IQCM: variants seen among roughly 807,000 people sequenced by gnomAD.
The protein encoded by IQCM is IQ domain-containing protein M.
In IQCM, 45 loss-of-function variants were observed where a neutral mutation model predicts 57.6. The ratio of observed to expected loss-of-function variants is 0.78; its 90% confidence interval spans 0.62 to 1.00. IQCM has a LOEUF of 1.00. Ranked by LOEUF, IQCM falls within the 50% of genes least tolerant of loss-of-function variation. The pLI, the probability that IQCM is intolerant of heterozygous loss-of-function variation, is 0.00. For missense variants in IQCM, 468 were observed against 511.6 expected (o/e 0.91, Z 0.82); for synonymous variants, 148 against 158.9 (o/e 0.93, Z 0.51).
intron 13 of IQCM, among the ~76,000 whole-genome samples, chr4:149,381,719 TAGTA>T (rs1156609445): frequency 1.4e-5 from 2 of 142,168 alleles, no homozygotes; most frequent in Non-Finnish European, 3.1e-5. Flanking sequence ...CTTTCCCCCA[TAGTA>T]TGTATGTATG....
chr4:149,630,173 G>A (rs189686970), intron 7 of IQCM, among the ~76,000 whole-genome samples: 65 of 152,290 alleles, frequency 4.3e-4, no homozygotes, highest in Non-Finnish European at 7.3e-4. Flanking sequence ...ATCAAAGATT[G>A]ACTTTTGCAA....
intron 13 of IQCM, among the ~76,000 whole-genome samples, chr4:149,388,560 A>C (rs889521074): frequency 7.3e-6 from 1 of 137,376 alleles, no homozygotes; most frequent in African/African-American, 2.7e-5. Flanking sequence ...TATATAATAT[A>C]TTTATATACA....
chr4:149,812,729 T>C (rs1413777341), intron 2 of IQCM, among the ~76,000 whole-genome samples: 2 of 152,158 alleles, frequency 1.3e-5, no homozygotes, highest in East Asian at 3.8e-4. Context: ...TTTCTGCCCT[T>C]ATACCAGGTA....
At chr4:149,387,997 T>C (rs1731542975) in intron 13 of IQCM, among the ~76,000 whole-genome samples, 1 of 152,066 alleles carries the variant, frequency 6.6e-6, no homozygotes, top group African/African-American at 2.4e-5. Context: ...GTTTATTTAC[T>C]TCAAAGCATG....
At chr4:149,512,053 T>C (rs1744480389) in intron 12 of IQCM, among the ~76,000 whole-genome samples, 1 of 152,170 alleles carries the variant, frequency 6.6e-6, no homozygotes, top group Non-Finnish European at 1.5e-5. Flanking sequence ...TAGTGTCATG[T>C]ACTGCAAAAA....
intron 12 of IQCM, among the ~76,000 whole-genome samples, chr4:149,486,172 A>ACTTGAT (rs1425617904): frequency 6.6e-6 from 1 of 151,992 alleles, no homozygotes; most frequent in Non-Finnish European, 1.5e-5. Context: ...CCAACACAGC[A>ACTTGAT]CTTGATCTTG....
intron 13 of IQCM, among the ~76,000 whole-genome samples, chr4:149,370,996 C>T (rs1252514324): frequency 6.6e-6 from 1 of 151,432 alleles, no homozygotes; most frequent in Non-Finnish European, 1.5e-5. Context: ...GCGCATGACT[C>T]TGGAAATATT....
intron 5 of IQCM, chr4:149,711,015 G>A (rs1302934503): frequency 2.0e-5 from 3 of 152,118 alleles, no homozygotes; most frequent in African/African-American, 7.2e-5. Context: ...GGAAGAAGCA[G>A]GAAAGTACTC....
intron 12 of IQCM, among the ~76,000 whole-genome samples, chr4:149,537,060 G>C (rs1747369623): frequency 6.6e-6 from 1 of 151,912 alleles, no homozygotes; most frequent in African/African-American, 2.4e-5. Context: ...ACAACAAAAT[G>C]AGACATGCCA....
chr4:149,524,227 T>C (rs1194224066), intron 12 of IQCM, among the ~76,000 whole-genome samples: 1 of 152,108 alleles, frequency 6.6e-6, no homozygotes, highest in East Asian at 1.9e-4. Context: ...TACAAGTCAA[T>C]TTGGTGGTTA....
intron 12 of IQCM, among the ~76,000 whole-genome samples, chr4:149,434,503 T>A (rs1735162517): frequency 6.6e-6 from 1 of 152,060 alleles, no homozygotes; most frequent in African/African-American, 2.4e-5. Flanking sequence ...AATGTAAATC[T>A]CCACTTATAA....
chr4:149,651,754 T>C (rs1206562938), intron 7 of IQCM, among the ~76,000 whole-genome samples: 2 of 152,106 alleles, frequency 1.3e-5, no homozygotes, highest in African/African-American at 2.4e-5. Context: ...TAAGAAGATT[T>C]TGGGGTCAAT....
intron 12 of IQCM, among the ~76,000 whole-genome samples, chr4:149,489,215 G>A (rs1054946826): frequency 2.0e-5 from 3 of 152,232 alleles, no homozygotes; most frequent in African/African-American, 2.4e-5. Context: ...TGAACTTAGC[G>A]TTGGAGGGCT....
chr4:149,807,485 A>G (rs1774194175), intron 2 of IQCM, among the ~76,000 whole-genome samples: 1 of 152,048 alleles, frequency 6.6e-6, no homozygotes, highest in African/African-American at 2.4e-5. Context: ...CTATGAGAAG[A>G]TATTGAGGAA....
At chr4:149,473,767 T>C (rs368550100) in intron 12 of IQCM, among the ~76,000 whole-genome samples, 6 of 152,204 alleles carry the variant, frequency 3.9e-5, no homozygotes, top group East Asian at 1.9e-4. Flanking sequence ...AAATGTGGCA[T>C]ATATACACCA....
rs138234394 is a variant in IQCM, at chr4:149,690,927, C to T, written c.386-4459G>A. 557 of 152,212 alleles carry T rather than the reference C, an allele frequency of 3.7e-3. 2 individuals carry two copies. Among genetic ancestry groups the T allele is most frequent in the African/African-American group, 0.012 (517 of 41,532 alleles). 9.4% of individuals were successfully genotyped at this position (152,212 alleles called of 1,614,324 possible). On this transcript the variant is annotated intron_variant, in intron 5 of 13. Coordinates refer to ENST00000636793, the MANE Select transcript of IQCM (RefSeq NM_001363507.2). Reference sequence around the variant, plus strand: ...TTATTTTTTACTGTGCTCTACACTGCCCCCTGGAACTTCAGGGGATTCATC... The same window carrying T: ...TTATTTTTTACTGTGCTCTACACTGTCCCCTGGAACTTCAGGGGATTCATC...
At chr4:149,517,040 C>G (rs1274504459) in intron 12 of IQCM, among the ~76,000 whole-genome samples, 1 of 141,720 alleles carries the variant, frequency 7.1e-6, no homozygotes, top group African/African-American at 2.6e-5. Flanking sequence ...CAATGGGAAA[C>G]TACAACATCC....
intron 13 of IQCM, among the ~76,000 whole-genome samples, chr4:149,398,640 T>G (rs1485778186): frequency 6.6e-6 from 1 of 152,106 alleles, no homozygotes; most frequent in Admixed American, 6.6e-5. Context: ...TTAATGTACT[T>G]TCTGGATAGT....
At chr4:149,530,690 T>C (rs1357527820) in intron 12 of IQCM, among the ~76,000 whole-genome samples, 1 of 152,082 alleles carries the variant, frequency 6.6e-6, no homozygotes, top group Non-Finnish European at 1.5e-5. Flanking sequence ...ACAGAGATTT[T>C]ATTTCTAGGT....
Sources: allele counts gnomAD v4.1 joint callset (sites outside exome capture counted in the v4.1 genomes callset), GRCh38; gene constraint gnomAD v4.1.1; transcripts MANE v1.5; gene names NCBI Gene and HGNC (gene_info 2026-07-23, HGNC 2026-07-21).